FRMD5: variants seen among roughly 807,000 people sequenced by gnomAD.
FRMD5 encodes FERM domain-containing protein 5.
FRMD5 carries 20 observed loss-of-function variants against 69.0 expected under a neutral mutation model. The ratio of observed to expected loss-of-function variants is 0.29; its 90% confidence interval spans 0.20 to 0.42. The LOEUF (loss-of-function observed/expected upper bound fraction) is 0.42. FRMD5 is among the 10% of genes least tolerant of loss of function. The pLI, the probability that FRMD5 is intolerant of heterozygous loss-of-function variation, is 1.00. For synonymous variants in FRMD5, 271 were observed against 260.1 expected, an observed-to-expected ratio of 1.04 and a Z score of -0.40; for missense variants, 595 against 708.6, an observed-to-expected ratio of 0.84 and a Z score of 1.82.
At chr15:43,912,901 T>C (rs1424483228) in intron 4 of FRMD5, among the ~76,000 whole-genome samples, 2 of 149,384 alleles carry the variant, frequency 1.3e-5, no homozygotes, top group African/African-American at 4.9e-5. Context: ...CATGGTGGTG[T>C]CGGCGTGTAA....
intron 1 of FRMD5, among the ~76,000 whole-genome samples, chr15:44,067,122 G>A (rs1296081243): frequency 1.3e-5 from 2 of 152,130 alleles, no homozygotes; most frequent in Admixed American, 1.3e-4. Context: ...AAAGGGAAAA[G>A]AGTGAAAATA....
At chr15:43,876,320 T>G in intron 13 of FRMD5, 1 of 1,008,102 alleles carries the variant, frequency 9.9e-7, no homozygotes, top group Non-Finnish European at 1.5e-6. Context: ...AATTCCAAAC[T>G]ACCCCTGATG....
chr15:44,060,785 A>G (rs1353485242), intron 1 of FRMD5, among the ~76,000 whole-genome samples: 1 of 152,176 alleles, frequency 6.6e-6, no homozygotes, highest in East Asian at 1.9e-4. Context: ...AATCCCTGGC[A>G]CACTAACTTA....
At chr15:44,161,405 C>T (rs562861269) in intron 1 of FRMD5, among the ~76,000 whole-genome samples, 1 of 152,184 alleles carries the variant, frequency 6.6e-6, no homozygotes, top group South Asian at 2.1e-4. Context: ...TTTAGGATAC[C>T]TCATAGCTTC....
At chr15:43,910,277 A>G (rs1377272152) in intron 4 of FRMD5, among the ~76,000 whole-genome samples, 1 of 152,104 alleles carries the variant, frequency 6.6e-6, no homozygotes, top group Non-Finnish European at 1.5e-5. Context: ...CTTTGGAAGG[A>G]GCCAGCCCCA....
chr15:43,982,115 C>T (rs2090557538), intron 1 of FRMD5, among the ~76,000 whole-genome samples: 2 of 152,146 alleles, frequency 1.3e-5, no homozygotes, highest in South Asian at 4.1e-4. Context: ...TTGGGGTTCT[C>T]GTCCATAGGG....
intron 1 of FRMD5, among the ~76,000 whole-genome samples, chr15:43,983,205 A>T (rs1030543837): frequency 2.0e-5 from 3 of 152,200 alleles, no homozygotes; most frequent in Non-Finnish European, 4.4e-5. Flanking sequence ...TGTTGGGATT[A>T]CAGGTGTCAG....
intron 13 of FRMD5, chr15:43,875,833 AGTC>A: frequency 7.2e-6 from 1 of 139,372 alleles, no homozygotes; most frequent in Non-Finnish European, 1.3e-5. Flanking sequence ...TTTTTCTTTC[AGTC>A]TTTCATATGA....
At chr15:43,941,789 C>G (rs1218049117) in intron 1 of FRMD5, among the ~76,000 whole-genome samples, 3 of 152,116 alleles carry the variant, frequency 2.0e-5, no homozygotes, top group African/African-American at 7.2e-5. Context: ...TCAGCTGCAC[C>G]TAAACACTAA....
chr15:43,893,909 T>A (rs1398229825), intron 7 of FRMD5, among the ~76,000 whole-genome samples: 1 of 152,230 alleles, frequency 6.6e-6, no homozygotes, highest in Non-Finnish European at 1.5e-5. Context: ...TATGAGCATC[T>A]GGGTCCAGGG....
At chr15:44,022,341 G>C (rs1180363692) in intron 1 of FRMD5, among the ~76,000 whole-genome samples, 3 of 151,490 alleles carry the variant, frequency 2.0e-5, no homozygotes, top group Non-Finnish European at 1.5e-5. Context: ...GAGATTGGGG[G>C]ATCACTTGAG....
chr15:43,887,099 A>C (rs1461254854), intron 10 of FRMD5, among the ~76,000 whole-genome samples: 1 of 152,220 alleles, frequency 6.6e-6, no homozygotes, highest in Non-Finnish European at 1.5e-5. Context: ...TGAAAAGACA[A>C]GAGGCAAGGA....
chr15:43,916,157 C>T lies in FRMD5; in HGVS notation c.329+3302G>A, dbSNP rs114638444. 4.4e-3 allele frequency among the ~76,000 whole-genome samples: 667 copies of T among 152,312 alleles called. 8 individuals carry two copies. Among genetic ancestry groups the T allele is most frequent in the African/African-American group, 0.015 (618 of 41,552 alleles). On this transcript the variant is annotated intron_variant, in intron 4 of 13. Transcript: ENST00000417257. The stretch of plus-strand genomic sequence containing the variant: ...TTGCCCAAGATGGTTAGCACAAATG[C>T]ATGCAGACCGAGAGGAGCTCCTTCT...
At chr15:44,015,514 T>C (rs1890917925) in intron 1 of FRMD5, among the ~76,000 whole-genome samples, 2 of 152,190 alleles carry the variant, frequency 1.3e-5, no homozygotes, top group South Asian at 4.1e-4. Context: ...TTTTTGACAG[T>C]GTTGCTCTAA....
At chr15:44,180,246 T>G (rs1021559751) in intron 1 of FRMD5, among the ~76,000 whole-genome samples, 1 of 152,064 alleles carries the variant, frequency 6.6e-6, no homozygotes, top group Non-Finnish European at 1.5e-5. Flanking sequence ...TAAGATTAAA[T>G]GAAAGAATGC....
intron 4 of FRMD5, among the ~76,000 whole-genome samples, chr15:43,910,448 A>AT (rs1340749221): frequency 1.3e-5 from 2 of 152,180 alleles, no homozygotes; most frequent in East Asian, 3.9e-4. Context: ...GAATCTGTCC[A>AT]TATGTGGAAA....
chr15:43,874,375 C>G lies in FRMD5; in HGVS notation c.1223G>C (p.Ser408Thr). ...GDTFLPHVRS[S>T]RTDSNERVAV... ...TACTCGCTCATTGCTATCTGTCCGG[C>G]TGCTTCTCACGTGAGGCAGGAAGGT... Residue 408 changes from serine (S) to threonine (T), a missense_variant, in exon 14 of 14, where the codon AGC becomes ACC. Ser to Thr is a moderately conservative substitution (Grantham distance 58). Transcript: ENST00000417257. The G allele has an allele frequency of 6.2e-7, 1 of 1,614,224 alleles. No individual in the cohort carries two copies. Among genetic ancestry groups the G allele is most frequent in the Non-Finnish European group, 8.5e-7 (1 of 1,180,052 alleles).
intron 1 of FRMD5, among the ~76,000 whole-genome samples, chr15:44,065,222 A>T (rs1050657905): frequency 1.3e-5 from 2 of 152,258 alleles, no homozygotes; most frequent in Non-Finnish European, 1.5e-5. Context: ...GTAAGCACTC[A>T]ATAAATATTA....
At chr15:43,963,349 A>C (rs1198064960) in intron 1 of FRMD5, among the ~76,000 whole-genome samples, 1 of 152,250 alleles carries the variant, frequency 6.6e-6, no homozygotes, top group Non-Finnish European at 1.5e-5. Context: ...AATCAAAACC[A>C]CAATGAGATA....
Sources: allele counts gnomAD v4.1 joint callset (sites outside exome capture counted in the v4.1 genomes callset), GRCh38; gene constraint gnomAD v4.1.1; transcripts MANE v1.5; gene names NCBI Gene and HGNC (gene_info 2026-07-23, HGNC 2026-07-21).